APBB2: variants seen among roughly 807,000 people sequenced by gnomAD.
APBB2 encodes the protein Fe65-like 1.
In APBB2, 38 loss-of-function variants were observed where a neutral mutation model predicts 82.5. That is an observed-to-expected ratio of 0.46 (90% CI 0.36 to 0.60). The LOEUF is 0.60. APBB2 is among the 20% of genes least tolerant of loss of function. APBB2 has a pLI of 0.00. For missense variants in APBB2, 772 were observed against 972.3 expected (o/e 0.79, Z 2.74); for synonymous variants, 341 against 368.2 (o/e 0.93, Z 0.85).
intron 10 of APBB2, among the ~76,000 whole-genome samples, chr4:40,917,991 C>T (rs545551364): frequency 8.5e-5 from 13 of 152,200 alleles, no homozygotes; most frequent in Non-Finnish European, 1.8e-4. Context: ...ACATGCAAAA[C>T]GCAATCTCTG....
At chr4:40,900,042 G>T (rs1049141809) in intron 10 of APBB2, among the ~76,000 whole-genome samples, 2 of 152,206 alleles carry the variant, frequency 1.3e-5, no homozygotes, top group Non-Finnish European at 2.9e-5. Context: ...GTGACCAAAA[G>T]GTAAATGGTA....
chr4:40,908,877 C>T (rs1578358969), intron 10 of APBB2, among the ~76,000 whole-genome samples: 1 of 152,298 alleles, frequency 6.6e-6, no homozygotes, highest in South Asian at 2.1e-4. Context: ...CACCATCACC[C>T]AACACCTGCT....
At chr4:41,086,936 ACACACAC>A (rs1560715893) in intron 3 of APBB2, among the ~76,000 whole-genome samples, 1 of 151,640 alleles carries the variant, frequency 6.6e-6, no homozygotes, top group African/African-American at 2.4e-5. Context: ...ACACACACAC[ACACACAC>A]ACACACAAAA....
chr4:41,046,031 A>G (rs6855956), intron 4 of APBB2, among the ~76,000 whole-genome samples: 12,171 of 152,268 alleles, frequency 0.08, 1,582 homozygotes, highest in African/African-American at 0.28. Context: ...TTTTAAAAAA[A>G]GGTTTGTATA....
chr4:41,197,110 G>A, intron 1 of APBB2, among the ~76,000 whole-genome samples: 4 of 152,202 alleles, frequency 2.6e-5, no homozygotes, highest in Non-Finnish European at 4.4e-5. Flanking sequence ...TCAACATGCC[G>A]GTTTATTTTT....
intron 4 of APBB2, among the ~76,000 whole-genome samples, chr4:41,043,298 G>T (rs1722204749): frequency 6.6e-6 from 1 of 152,136 alleles, no homozygotes; most frequent in African/African-American, 2.4e-5. Flanking sequence ...TCCTACAATG[G>T]AATACTATGC....
chr4:40,997,617 T>C (rs1803987480), intron 6 of APBB2, among the ~76,000 whole-genome samples: 1 of 152,228 alleles, frequency 6.6e-6, no homozygotes, highest in African/African-American at 2.4e-5. Context: ...CAAAGGGAAC[T>C]TCGAGGAGTC....
intron 12 of APBB2, among the ~76,000 whole-genome samples, chr4:40,842,764 G>T (rs1429928062): frequency 1.3e-5 from 2 of 152,190 alleles, no homozygotes; most frequent in Non-Finnish European, 2.9e-5. Flanking sequence ...CAACGGCATG[G>T]ACATAGCCTT....
chr4:41,169,701 C>T (rs1767716573), intron 1 of APBB2, among the ~76,000 whole-genome samples: 1 of 152,176 alleles, frequency 6.6e-6, no homozygotes, highest in Non-Finnish European at 1.5e-5. Flanking sequence ...TTCTAAAATG[C>T]CTCCATCGAA....
intron 4 of APBB2, among the ~76,000 whole-genome samples, chr4:41,059,576 C>T (rs988815751): frequency 6.6e-6 from 1 of 152,276 alleles, no homozygotes; most frequent in Non-Finnish European, 1.5e-5. Flanking sequence ...TAAAGGCGTT[C>T]TTAAGCCACA....
intron 1 of APBB2, among the ~76,000 whole-genome samples, chr4:41,208,594 G>A (rs1349013519): frequency 6.6e-6 from 1 of 152,050 alleles, no homozygotes; most frequent in African/African-American, 2.4e-5. Context: ...TAAAAAAAAC[G>A]ACACTCTTCC....
intron 6 of APBB2, among the ~76,000 whole-genome samples, chr4:41,000,211 G>A (rs1328056730): frequency 2.0e-5 from 3 of 151,582 alleles, no homozygotes; most frequent in South Asian, 2.1e-4. Context: ...GCAGTGAACC[G>A]TGATTACGCC....
chr4:40,857,133 G>C (rs1441931358), intron 12 of APBB2: 2 of 985,374 alleles, frequency 2.0e-6, no homozygotes, highest in Non-Finnish European at 2.4e-6. Flanking sequence ...AAGCAGCCGC[G>C]CGCACTGCCC....
At chr4:40,903,560 C>T (rs1263842689) in intron 10 of APBB2, among the ~76,000 whole-genome samples, 1 of 152,188 alleles carries the variant, frequency 6.6e-6, no homozygotes, top group African/African-American at 2.4e-5. Flanking sequence ...GGGCCTCTTA[C>T]AGAGATGGCT....
At chr4:40,888,044 G>T (rs190704604) in intron 12 of APBB2, among the ~76,000 whole-genome samples, 1 of 152,128 alleles carries the variant, frequency 6.6e-6, no homozygotes, top group Non-Finnish European at 1.5e-5. Context: ...GTCTCCCTGC[G>T]GTCTGACTCC....
At chr4:40,993,013 AT>A (rs1200318708) in intron 6 of APBB2, among the ~76,000 whole-genome samples, 1 of 152,180 alleles carries the variant, frequency 6.6e-6, no homozygotes, top group South Asian at 2.1e-4. Flanking sequence ...CAGTGGGAGA[AT>A]TAATTTTCCA....
intron 3 of APBB2, among the ~76,000 whole-genome samples, chr4:41,067,324 G>A (rs535666967): frequency 2.0e-5 from 3 of 151,958 alleles, no homozygotes; most frequent in East Asian, 1.9e-4. Context: ...CAGGAAAATC[G>A]CTTGAACCTG....
At chr4:40,823,498 A>G in intron 16 of APBB2, 146 bp downstream of exon 16, 2 of 618,746 alleles carry the variant, frequency 3.2e-6, no homozygotes, top group South Asian at 1.9e-5. Context: ...ACCCAGACAA[A>G]GGGCCAAATC....
Position 40,816,106 on chromosome 4 carries a change from T to TA in APBB2, c.2265_2266insT (p.Thr756TyrfsTer19). ...TGCATGTGCAGCTATGGCATTTCGG[T>TA]GACAGGGCGTTTCTGTTTCAAAGTG... On this transcript the variant is annotated frameshift_variant, in exon 18 of 18. Transcript: ENST00000508593. LOFTEE classifies it high-confidence loss of function. 1 of 1,613,714 alleles carries TA rather than the reference T, an allele frequency of 6.2e-7. No homozygotes were observed. Among genetic ancestry groups the TA allele is most frequent in the Non-Finnish European group, 8.5e-7 (1 of 1,179,620 alleles).
Sources: gnomAD v4.1 joint callset for allele counts (sites outside exome capture counted in the v4.1 genomes callset) on GRCh38, gnomAD v4.1.1 for gene constraint, MANE v1.5 for transcripts, NCBI Gene and HGNC (gene_info 2026-07-23, HGNC 2026-07-21) for gene names.